The following ARK2C variants were observed in gnomAD, a reference collection of about 807,000 sequenced individuals.
ARK2C encodes the protein E3 ubiquitin-protein ligase ARK2C.
the ARK2C span, among the ~76,000 whole-genome samples, chr18:46,356,818 G>T: frequency 6.6e-6 from 1 of 152,172 alleles, no homozygotes; most frequent in Non-Finnish European, 1.5e-5. Flanking sequence ...CTAGATGTTG[G>T]TCTTATTCAG....
At chr18:46,340,252 G>C in the ARK2C span, among the ~76,000 whole-genome samples, 1 of 152,214 alleles carries the variant, frequency 6.6e-6, no homozygotes, top group Non-Finnish European at 1.5e-5. Flanking sequence ...TTGGGGGAAA[G>C]GGGAGGGCTT....
the ARK2C span, among the ~76,000 whole-genome samples, chr18:46,356,559 C>T: frequency 6.6e-6 from 1 of 152,090 alleles, no homozygotes; most frequent in Admixed American, 6.5e-5. Context: ...TGGGCAGGCA[C>T]GGAATGCGTA....
chr18:46,364,253 CCTG>C, the ARK2C span, among the ~76,000 whole-genome samples: 1 of 152,050 alleles, frequency 6.6e-6, no homozygotes, highest in East Asian at 1.9e-4. Context: ...AGGCCCCTGA[CCTG>C]CTTTTCTGAG....
chr18:46,458,137 C>G, the ARK2C span: 1 of 152,512 alleles, frequency 6.6e-6, no homozygotes, highest in Non-Finnish European at 1.5e-5. Flanking sequence ...CCAGCGTGTT[C>G]TATGCTCTCT....
At chr18:46,390,622 CTT>C in the ARK2C span, among the ~76,000 whole-genome samples, 4 of 152,264 alleles carry the variant, frequency 2.6e-5, no homozygotes, top group Middle Eastern at 0.014. Context: ...GCCGTTTTCT[CTT>C]TTCTTTTCTC....
the ARK2C span, among the ~76,000 whole-genome samples, chr18:46,368,157 G>A: frequency 6.6e-6 from 1 of 152,356 alleles, no homozygotes; most frequent in East Asian, 1.9e-4. Context: ...GGACCTCCAT[G>A]AGACTTTGTG....
the ARK2C span, chr18:46,447,439 A>G: frequency 1.0e-6 from 1 of 999,908 alleles, no homozygotes; most frequent in Admixed American, 2.0e-5. Flanking sequence ...GGAGATGTAA[A>G]GTTCCTTGCA....
chr18:46,413,303 C>T, the ARK2C span, among the ~76,000 whole-genome samples: 4 of 152,054 alleles, frequency 2.6e-5, no homozygotes, highest in Admixed American at 6.5e-5. Context: ...CATGTGGTGA[C>T]GTCCCAGGGA....
At chr18:46,451,649 A>G in the ARK2C span, among the ~76,000 whole-genome samples, 1 of 152,142 alleles carries the variant, frequency 6.6e-6, no homozygotes, top group Non-Finnish European at 1.5e-5. Context: ...TTGAAAAGTT[A>G]AAAAGTTAAA....
At chr18:46,433,329 C>T in the ARK2C span, 3 of 1,612,390 alleles carry the variant, frequency 1.9e-6, no homozygotes, top group Non-Finnish European at 1.7e-6. Flanking sequence ...TCAGCGCCCA[C>T]ATGGCCCCGG....
At chr18:46,407,500 G>A in the ARK2C span, among the ~76,000 whole-genome samples, 1 of 152,176 alleles carries the variant, frequency 6.6e-6, no homozygotes. Flanking sequence ...GACAGTGTTA[G>A]CCTGTTGACG....
chr18:46,365,583 A>G, the ARK2C span, among the ~76,000 whole-genome samples: 10 of 152,206 alleles, frequency 6.6e-5, no homozygotes, highest in African/African-American at 2.4e-4. Context: ...GGCTCACTGC[A>G]ACTTCTGCCT....
chr18:46,394,278 G>C, the ARK2C span, among the ~76,000 whole-genome samples: 3 of 152,200 alleles, frequency 2.0e-5, no homozygotes, highest in South Asian at 6.2e-4. Context: ...CGAGAGCCCT[G>C]GCCTGGGAAT....
At chr18:46,406,311 CAG>C in the ARK2C span, among the ~76,000 whole-genome samples, 4 of 152,352 alleles carry the variant, frequency 2.6e-5, no homozygotes, top group South Asian at 8.3e-4. Context: ...GGAGCTGCAG[CAG>C]AGCGACAGCC....
chr18:46,441,229 G>A, the ARK2C span, among the ~76,000 whole-genome samples: 1 of 152,056 alleles, frequency 6.6e-6, no homozygotes, highest in South Asian at 2.1e-4. Context: ...CTGTGCTCAA[G>A]CAATCCTCCC....
the ARK2C span, among the ~76,000 whole-genome samples, chr18:46,377,721 G>A: frequency 6.6e-6 from 1 of 152,196 alleles, no homozygotes; most frequent in Non-Finnish European, 1.5e-5. Context: ...ATCAATAAAG[G>A]CTTCAGGGAG....
At chr18:46,357,854 C>T in the ARK2C span, among the ~76,000 whole-genome samples, 94 of 152,342 alleles carry the variant, frequency 6.2e-4, no homozygotes, top group African/African-American at 2.1e-3. Context: ...CGGGGCCAGC[C>T]GTCTCCTCTG....
At chr18:46,417,977 C>G in the ARK2C span, among the ~76,000 whole-genome samples, 1 of 151,452 alleles carries the variant, frequency 6.6e-6, no homozygotes, top group Non-Finnish European at 1.5e-5. Flanking sequence ...GCACTCCAGC[C>G]TGAGCAACAG....
chr18:46,363,594 G>T, the ARK2C span, among the ~76,000 whole-genome samples: 1 of 152,190 alleles, frequency 6.6e-6, no homozygotes, highest in African/African-American at 2.4e-5. Flanking sequence ...TCCACTCAGT[G>T]TACAGCCCCA....
Sources: allele counts gnomAD v4.1 joint callset (sites outside exome capture counted in the v4.1 genomes callset), GRCh38; gene constraint gnomAD v4.1.1; transcripts MANE v1.5; gene names NCBI Gene and HGNC (gene_info 2026-07-23, HGNC 2026-07-21).